Variants in RELCH observed in about 807,000 individuals in gnomAD.
RELCH encodes the protein RAB11-binding protein RELCH.
A neutral mutation model predicts 150.3 loss-of-function variants in RELCH; 41 were observed. The ratio of observed to expected loss-of-function variants is 0.27; its 90% confidence interval spans 0.21 to 0.35. The LOEUF (loss-of-function observed/expected upper bound fraction) is 0.35. RELCH is among the 10% of genes least tolerant of loss of function. The pLI, the probability that RELCH is intolerant of heterozygous loss-of-function variation, is 1.00. For missense variants in RELCH, 1,092 were observed against 1,467.8 expected (o/e 0.74, Z 4.18); for synonymous variants, 478 against 531.8 (o/e 0.90, Z 1.39).
chr18:62,259,152 G>T (rs543486044), intron 15 of RELCH, among the ~76,000 whole-genome samples: 4 of 152,042 alleles, frequency 2.6e-5, no homozygotes, highest in African/African-American at 9.6e-5. Context: ...AAGAAATGTT[G>T]ATGGAACAAT....
intron 2 of RELCH, 26 bp downstream of exon 2, chr18:62,211,268 TG>T (rs776644521): frequency 2.2e-6 from 3 of 1,376,734 alleles, no homozygotes; most frequent in Admixed American, 3.5e-5. Flanking sequence ...AGGACAGATT[TG>T]GATTCTTTGA....
At chr18:62,221,523 T>C (rs749834754) in intron 5 of RELCH, 26 bp downstream of exon 5, 2 of 1,148,284 alleles carry the variant, frequency 1.7e-6, no homozygotes, top group Non-Finnish European at 2.5e-6. Context: ...GTTTTTACAG[T>C]GATTTTTTTC....
chr18:62,242,122 C>G (rs1301868235), intron 10 of RELCH, among the ~76,000 whole-genome samples: 3 of 152,102 alleles, frequency 2.0e-5, no homozygotes, highest in Admixed American at 6.6e-5. Flanking sequence ...CCTTTAAACT[C>G]TGAGTTGTAA....
chr18:62,211,400 TG>T (rs944434215), intron 2 of RELCH, among the ~76,000 whole-genome samples, 158 bp downstream of exon 2: 7 of 152,232 alleles, frequency 4.6e-5, no homozygotes, highest in African/African-American at 1.7e-4. Flanking sequence ...ACTGCAAGTT[TG>T]GGGGTTCCCC....
At chr18:62,215,514 C>T (rs2040425243) in intron 2 of RELCH, among the ~76,000 whole-genome samples, 1 of 152,136 alleles carries the variant, frequency 6.6e-6, no homozygotes, top group African/African-American at 2.4e-5. Flanking sequence ...CATCTGCACA[C>T]ATATTCCTTC....
chr18:62,222,477 A>G (rs1474738200), intron 5 of RELCH, among the ~76,000 whole-genome samples: 1 of 151,980 alleles, frequency 6.6e-6, no homozygotes, highest in Non-Finnish European at 1.5e-5. Context: ...AGAGGTCAAA[A>G]AGAACACAGA....
intron 2 of RELCH, among the ~76,000 whole-genome samples, chr18:62,213,729 CAAAAA>C (rs5825484): frequency 2.5e-5 from 2 of 80,474 alleles, no homozygotes; most frequent in African/African-American, 5.0e-5. Flanking sequence ...GACTCAGTCT[CAAAAA>C]AAAAAAAAAA....
At chr18:62,237,862 T>C (rs2041954806) in intron 10 of RELCH, among the ~76,000 whole-genome samples, 1 of 151,758 alleles carries the variant, frequency 6.6e-6, no homozygotes, top group African/African-American at 2.4e-5. Flanking sequence ...TCTAATAAAT[T>C]AACTTTTTTA....
At chr18:62,296,602 A>T (rs1414539698) in intron 27 of RELCH, among the ~76,000 whole-genome samples, 1 of 152,012 alleles carries the variant, frequency 6.6e-6, no homozygotes, top group Non-Finnish European at 1.5e-5. Context: ...AAAAAAAGTT[A>T]TGATTGGGGA....
In RELCH at chr18:62,309,580, A is replaced by G. The variant is rs1432270161; in HGVS notation, c.*4046A>G. The G allele has an allele frequency of 6.6e-6, 1 of 152,220 alleles. No homozygotes were observed. The highest frequency in any genetic ancestry group is 6.5e-5 in the Admixed American group (1 of 15,282). 9.4% of individuals were successfully genotyped at this position (152,220 alleles called of 1,614,324 possible). On this transcript the variant is annotated 3_prime_UTR_variant, in exon 29 of 29. Transcript: ENST00000644646. ...TTAATATAAACTTAATATTGCATCA[A>G]AAACAAATATATTTTATTTTGATAG...
chr18:62,303,254 G>A (rs536182189), intron 28 of RELCH, among the ~76,000 whole-genome samples: 1 of 152,146 alleles, frequency 6.6e-6, no homozygotes, highest in Non-Finnish European at 1.5e-5. Flanking sequence ...TTAGGCCTAG[G>A]GATCTGCATT....
intron 13 of RELCH, 59 bp downstream of exon 13, chr18:62,255,537 T>C: frequency 8.6e-7 from 1 of 1,166,698 alleles, no homozygotes; most frequent in East Asian, 2.4e-5. Flanking sequence ...AAAACCTTTT[T>C]TTGAGTGTCT....
chr18:62,225,345 C>T (rs574963550), intron 5 of RELCH, among the ~76,000 whole-genome samples: 1 of 151,984 alleles, frequency 6.6e-6, no homozygotes, highest in Admixed American at 6.6e-5. Flanking sequence ...GTCAGATTTG[C>T]TCTCATCAAA....
chr18:62,195,550 T>C (rs956587019), intron 1 of RELCH, among the ~76,000 whole-genome samples: 1 of 152,088 alleles, frequency 6.6e-6, no homozygotes, highest in Non-Finnish European at 1.5e-5. Flanking sequence ...TGTGATCAAG[T>C]GGAGAGGGCA....
intron 15 of RELCH, 85 bp from the exon 16 acceptor site, chr18:62,261,426 C>T: frequency 7.9e-7 from 1 of 1,264,020 alleles, no homozygotes; most frequent in Non-Finnish European, 1.1e-6. Context: ...TGATTTGCCA[C>T]AGTAAGGAAG....
intron 25 of RELCH, among the ~76,000 whole-genome samples, chr18:62,285,123 G>T (rs1468928208): frequency 1.6e-5 from 2 of 128,230 alleles, no homozygotes; most frequent in African/African-American, 5.1e-5. Flanking sequence ...ACAGTTTTTT[G>T]TTTGTTTGTT....
intron 28 of RELCH, among the ~76,000 whole-genome samples, chr18:62,302,905 G>T (rs1316051589): frequency 6.6e-6 from 1 of 152,174 alleles, no homozygotes; most frequent in Non-Finnish European, 1.5e-5. Context: ...GATATTAGTT[G>T]CAAAGAAAAG....
intron 20 of RELCH, among the ~76,000 whole-genome samples, chr18:62,271,342 G>A (rs2043890108): frequency 6.6e-6 from 1 of 152,214 alleles, no homozygotes; most frequent in Admixed American, 6.5e-5. Flanking sequence ...CTGATGGCCA[G>A]TGATGATGAG....
chr18:62,282,533 T>C (rs2044571447), intron 25 of RELCH, 89 bp downstream of exon 25: 1 of 1,330,130 alleles, frequency 7.5e-7, no homozygotes, highest in Admixed American at 2.1e-5. Context: ...TATTAAAATT[T>C]TGGTGCATTT....
Sources: gnomAD v4.1 joint callset for allele counts (sites outside exome capture counted in the v4.1 genomes callset) on GRCh38, gnomAD v4.1.1 for gene constraint, MANE v1.5 for transcripts, NCBI Gene and HGNC (gene_info 2026-07-23, HGNC 2026-07-21) for gene names.